The following ATP10A variants were observed in gnomAD, a reference collection of about 807,000 sequenced individuals.
ATP10A encodes the protein ATPase phospholipid transporting 10A (putative).
In ATP10A, 111 loss-of-function variants were observed where a neutral mutation model predicts 147.8. That is an observed-to-expected ratio of 0.75 (90% CI 0.64 to 0.88). The LOEUF is 0.88. Among genes scored for constraint, ATP10A ranks in the 40% least tolerant of loss-of-function variants. ATP10A has a pLI of 0.00. For missense variants in ATP10A, 1,927 were observed against 1,959.0 expected, an observed-to-expected ratio of 0.98 and a Z score of 0.31; for synonymous variants, 875 against 841.6, an observed-to-expected ratio of 1.04 and a Z score of -0.69.
At chr15:25,800,743 C>T (rs551429046) in intron 1 of ATP10A, among the ~76,000 whole-genome samples, 2 of 152,198 alleles carry the variant, frequency 1.3e-5, no homozygotes, top group Non-Finnish European at 2.9e-5. Context: ...ACTCTGGGGG[C>T]CCCTGAGGCT....
chr15:25,790,700 G>C (rs1031056284), intron 1 of ATP10A, among the ~76,000 whole-genome samples: 1 of 152,168 alleles, frequency 6.6e-6, no homozygotes, highest in East Asian at 1.9e-4. Flanking sequence ...AAACCTCTTA[G>C]TAAGTTTTAA....
chr15:25,701,484 C>T (rs938070923), intron 13 of ATP10A, among the ~76,000 whole-genome samples: 1 of 152,162 alleles, frequency 6.6e-6, no homozygotes, highest in Non-Finnish European at 1.5e-5. Flanking sequence ...AGAGCCCAGA[C>T]CAGGGCAGTA....
intron 2 of ATP10A, among the ~76,000 whole-genome samples, chr15:25,780,389 C>A (rs988779569): frequency 6.6e-6 from 1 of 152,246 alleles, no homozygotes; most frequent in African/African-American, 2.4e-5. Flanking sequence ...AGGGCTCCTG[C>A]CCCTGTCAGT....
chr15:25,769,099 T>C (rs1889192831), intron 2 of ATP10A, among the ~76,000 whole-genome samples: 1 of 152,130 alleles, frequency 6.6e-6, no homozygotes, highest in Non-Finnish European at 1.5e-5. Context: ...CGCGCTCCAA[T>C]ACTGAAACAC....
chr15:25,839,018 G>A (rs769959809), intron 1 of ATP10A, among the ~76,000 whole-genome samples: 65 of 152,234 alleles, frequency 4.3e-4, no homozygotes, highest in Non-Finnish European at 6.8e-4. Context: ...TTTCTCTTTG[G>A]TGTCCATTTC....
intron 12 of ATP10A, 130 bp downstream of exon 12, chr15:25,707,846 G>T: frequency 7.7e-7 from 1 of 1,302,984 alleles, no homozygotes; most frequent in Non-Finnish European, 1.0e-6. Context: ...GGCTGTGCCA[G>T]CGTCCTGCCA....
chr15:25,788,980 C>T (rs144310156), intron 1 of ATP10A, among the ~76,000 whole-genome samples: 2 of 152,230 alleles, frequency 1.3e-5, no homozygotes, highest in East Asian at 3.9e-4. Context: ...GTTTTTGAGA[C>T]AGGGTCTTGA....
intron 2 of ATP10A, among the ~76,000 whole-genome samples, chr15:25,761,228 C>T (rs1374239833): frequency 2.0e-5 from 3 of 152,190 alleles, no homozygotes. Flanking sequence ...TCAAAATAAT[C>T]TGCAGTGACT....
chr15:25,767,273 G>A lies in ATP10A; in HGVS notation c.654+13746C>T, dbSNP rs148905497. 5.0e-4 allele frequency among the ~76,000 whole-genome samples: 76 copies of A among 152,328 alleles called. 1 individual carries two copies. The East Asian group carries it at 0.013, about 26-fold the overall frequency. Reference sequence around the variant, plus strand: ...CTGCAGAGAGGAGATGGGTGGACACGCTGTGGCACCCCTGAGACGGTGAAG... The same window carrying A: ...CTGCAGAGAGGAGATGGGTGGACACACTGTGGCACCCCTGAGACGGTGAAG... On this transcript the variant is annotated intron_variant, in intron 2 of 20. Transcript: ENST00000555815.
rs150224023 is a variant in ATP10A, at chr15:25,742,901, C to T, written c.655-6760G>A. Among the ~76,000 whole-genome samples, 263 of 152,356 alleles carry T rather than the reference C, an allele frequency of 1.7e-3. 2 individuals are homozygous for T. Among genetic ancestry groups the T allele is most frequent in the Admixed American group, 0.011 (176 of 15,308 alleles). ...GCTATTAGCACAGTGAGATCCACAT[C>T]AGTCTGTCTGCTTCCACAGCCACAG... On this transcript the variant is annotated intron_variant, in intron 2 of 20. Coordinates refer to ENST00000555815, the MANE Select transcript of ATP10A (RefSeq NM_024490.4).
At chr15:25,725,041 A>C (rs1902457429) in intron 5 of ATP10A, among the ~76,000 whole-genome samples, 1 of 152,184 alleles carries the variant, frequency 6.6e-6, no homozygotes, top group African/African-American at 2.4e-5. Context: ...GCCTGTTAGG[A>C]ACTGGGCAGC....
chr15:25,695,506 G>C (rs1274700323), intron 13 of ATP10A, among the ~76,000 whole-genome samples: 1 of 152,172 alleles, frequency 6.6e-6, no homozygotes, highest in African/African-American at 2.4e-5. Flanking sequence ...GTGGGTGCCT[G>C]TAGTCCCAGC....
At position 25,832,981 on chromosome 15, in the gene ATP10A, C is replaced by CTT. The variant is rs202037774; in HGVS notation, c.449+29665_449+29666dup. Among the ~76,000 whole-genome samples the CTT allele has an allele frequency of 1.9e-3, 241 of 124,184 alleles. 2 individuals carry two copies. Among genetic ancestry groups the CTT allele is most frequent in the Non-Finnish European group, 2.4e-3 (144 of 59,230 alleles). 81.5% of individuals were successfully genotyped at this position (124,184 alleles called of 152,430 possible). A position where few individuals can be genotyped will look rare whatever the true frequency, so the allele number is the denominator to read the frequency against. On this transcript the variant is annotated intron_variant, in intron 1 of 20. Coordinates refer to ENST00000555815, the MANE Select transcript of ATP10A (RefSeq NM_024490.4). Reference sequence around the variant, plus strand: ...TTACATTTTTTTAATCTATTTTATTCTTTTTTTTTTTTTTTTTTTGAGACA... The same window carrying CTT: ...TTACATTTTTTTAATCTATTTTATTCTTTTTTTTTTTTTTTTTTTTTGAGACA...
rs1410043072 is a variant in ATP10A at position 25,683,454 on chromosome 15, A to G, written c.3324T>C (p.Phe1108=). The change falls in exon 17 of 21, where the codon TTT becomes TTC. Residue 1108 remains phenylalanine (F), a synonymous_variant. Transcript: ENST00000555815. ...MFVGLLFWFQ[F]FCGFSASTMI... is the part of the protein sequence containing the mutation. ...TGGTAGATGCAGAGAAGCCACAGAA[A>G]AACTGGAACCAAAACAGGAGGCCCA... The G allele has an allele frequency of 1.2e-6, 2 of 1,613,942 alleles. No individual in the cohort carries two copies. Among genetic ancestry groups the G allele is most frequent in the Non-Finnish European group, 1.7e-6 (2 of 1,179,980 alleles).
chr15:25,797,833 A>T lies in ATP10A; in HGVS notation c.450-16610T>A, dbSNP rs117954573. Among the ~76,000 whole-genome samples the T allele has an allele frequency of 2.6e-3, 399 of 152,192 alleles. 1 individual carries two copies. The highest frequency in any genetic ancestry group is 4.6e-3 in the Non-Finnish European group (312 of 68,000). On this transcript the variant is annotated intron_variant, in intron 1 of 20. Coordinates refer to ENST00000555815, the MANE Select transcript of ATP10A (RefSeq NM_024490.4). ...GCTCTGCCTTTACCCTCCACGTGCC[A>T]GCACAGCCATGCTACCCGATCTCAC...
At chr15:25,828,392 A>G (rs1398155785) in intron 1 of ATP10A, among the ~76,000 whole-genome samples, 20 of 152,224 alleles carry the variant, frequency 1.3e-4, no homozygotes. Flanking sequence ...ACCATAAGCT[A>G]AGCCATAGAA....
chr15:25,758,617 A>ACTCATTCCGATCACCTGCTCCACC, intron 2 of ATP10A, among the ~76,000 whole-genome samples: 7 of 46,698 alleles, frequency 1.5e-4, no homozygotes, highest in Admixed American at 8.5e-4. Flanking sequence ...CTCCACCCTA[A>ACTCATTCCGATCACCTGCTCCACC]CTCATTCCGA....
intron 1 of ATP10A, among the ~76,000 whole-genome samples, chr15:25,851,248 T>C (rs1893283169): frequency 6.6e-6 from 1 of 152,060 alleles, no homozygotes; most frequent in African/African-American, 2.4e-5. Context: ...CTCACGGGCC[T>C]CCAAAGCACC....
chr15:25,799,921 A>G (rs1250194686), intron 1 of ATP10A, among the ~76,000 whole-genome samples: 1 of 152,210 alleles, frequency 6.6e-6, no homozygotes, highest in Non-Finnish European at 1.5e-5. Flanking sequence ...CAACAAACCC[A>G]GAAAACCCAA....
Sources: gnomAD v4.1 joint callset for allele counts (sites outside exome capture counted in the v4.1 genomes callset) on GRCh38, gnomAD v4.1.1 for gene constraint, MANE v1.5 for transcripts, NCBI Gene and HGNC (gene_info 2026-07-23, HGNC 2026-07-21) for gene names.